AFG2A: variants seen among roughly 807,000 people sequenced by gnomAD.
AFG2A encodes AAA ATPase AFG2A, also known as ATPase family gene 2 protein homolog A.
the AFG2A span, among the ~76,000 whole-genome samples, chr4:122,932,692 C>T: frequency 2.0e-5 from 3 of 152,048 alleles, no homozygotes; most frequent in Non-Finnish European, 2.9e-5. Context: ...ACTTCCTGCA[C>T]TTAAGCAACT....
chr4:123,304,284 A>G, the AFG2A span, among the ~76,000 whole-genome samples: 4 of 152,118 alleles, frequency 2.6e-5, no homozygotes, highest in African/African-American at 9.7e-5. Flanking sequence ...TCAGGTCTCA[A>G]TGGGCCTGGG....
the AFG2A span, among the ~76,000 whole-genome samples, chr4:123,161,764 A>G: frequency 6.6e-6 from 1 of 152,216 alleles, no homozygotes. Context: ...ACTGTAGGCC[A>G]GGGGTGCAGG....
At chr4:123,159,582 A>G in the AFG2A span, among the ~76,000 whole-genome samples, 1 of 152,218 alleles carries the variant, frequency 6.6e-6, no homozygotes, top group Admixed American at 6.5e-5. Flanking sequence ...TAGGAAAGGT[A>G]AGGACCTTTC....
chr4:123,116,780 T>G, the AFG2A span, among the ~76,000 whole-genome samples: 1 of 152,198 alleles, frequency 6.6e-6, no homozygotes, highest in Non-Finnish European at 1.5e-5. Context: ...AAAATGTTCA[T>G]GGAGACAATA....
At chr4:123,274,656 C>G in the AFG2A span, among the ~76,000 whole-genome samples, 1 of 151,518 alleles carries the variant, frequency 6.6e-6, no homozygotes, top group Non-Finnish European at 1.5e-5. Context: ...GCTTTAGGCA[C>G]TGATTTAATC....
At chr4:123,289,472 CAT>C in the AFG2A span, among the ~76,000 whole-genome samples, 1 of 152,160 alleles carries the variant, frequency 6.6e-6, no homozygotes, top group African/African-American at 2.4e-5. Context: ...CTGTAGTAAA[CAT>C]ATACATGCAG....
the AFG2A span, among the ~76,000 whole-genome samples, chr4:122,924,011 A>T: frequency 0.044 from 6,777 of 152,314 alleles, 298 homozygotes; most frequent in South Asian, 0.15. Context: ...AATTGAATTA[A>T]AAATTGAAAA....
At chr4:123,307,736 A>G in the AFG2A span, among the ~76,000 whole-genome samples, 2 of 152,274 alleles carry the variant, frequency 1.3e-5, no homozygotes, top group Non-Finnish European at 2.9e-5. Flanking sequence ...TGGACCAGAT[A>G]CATAATGGTG....
chr4:123,057,123 G>C, the AFG2A span: 1 of 1,396,030 alleles, frequency 7.2e-7, no homozygotes. Context: ...AATAGGTTTG[G>C]TTCTAAATAT....
the AFG2A span, among the ~76,000 whole-genome samples, chr4:123,083,960 A>C: frequency 6.6e-6 from 1 of 152,098 alleles, no homozygotes; most frequent in East Asian, 1.9e-4. Flanking sequence ...CTGTTTTGAA[A>C]GGTTATTAAT....
chr4:123,028,242 T>G, the AFG2A span: 10 of 1,614,092 alleles, frequency 6.2e-6, no homozygotes, highest in South Asian at 1.1e-4. Flanking sequence ...TGGAACAGGC[T>G]GTGGAATGGC....
chr4:123,126,374 C>T, the AFG2A span, among the ~76,000 whole-genome samples: 1 of 152,116 alleles, frequency 6.6e-6, no homozygotes. Context: ...GCTTACTTGT[C>T]TTCTGTACCA....
chr4:122,994,329 A>AAAACT, the AFG2A span, among the ~76,000 whole-genome samples: 2 of 152,256 alleles, frequency 1.3e-5, no homozygotes, highest in East Asian at 3.9e-4. Context: ...ATCTACTATT[A>AAAACT]AAAATTCTTA....
the AFG2A span, among the ~76,000 whole-genome samples, chr4:123,129,238 T>C: frequency 6.6e-6 from 1 of 152,220 alleles, no homozygotes; most frequent in African/African-American, 2.4e-5. Flanking sequence ...AGATTACTTC[T>C]GTGCCATCCC....
the AFG2A span, among the ~76,000 whole-genome samples, chr4:122,937,482 A>G: frequency 6.6e-6 from 1 of 152,132 alleles, no homozygotes; most frequent in Non-Finnish European, 1.5e-5. Flanking sequence ...TAATATCATA[A>G]CTACTGCTCT....
At chr4:123,035,020 G>A in the AFG2A span, among the ~76,000 whole-genome samples, 1 of 152,176 alleles carries the variant, frequency 6.6e-6, no homozygotes, top group East Asian at 1.9e-4. Context: ...ATAGTGGAAA[G>A]TTACTGGGAA....
chr4:123,088,387 A>T, the AFG2A span, among the ~76,000 whole-genome samples: 7 of 152,200 alleles, frequency 4.6e-5, no homozygotes, highest in African/African-American at 9.7e-5. Flanking sequence ...CCTCCGATGT[A>T]ATTTATTGGC....
chr4:122,938,309 G>T, the AFG2A span: 1 of 1,369,812 alleles, frequency 7.3e-7, no homozygotes. Context: ...TATGTGTAGT[G>T]GTAAAAACTA....
the AFG2A span, among the ~76,000 whole-genome samples, chr4:122,998,863 T>A: frequency 1.3e-5 from 2 of 152,210 alleles, no homozygotes; most frequent in Admixed American, 1.3e-4. Flanking sequence ...TATTTCTAGT[T>A]CTAGATCCCT....
Sources: allele counts gnomAD v4.1 joint callset (sites outside exome capture counted in the v4.1 genomes callset), GRCh38; gene constraint gnomAD v4.1.1; transcripts MANE v1.5; gene names NCBI Gene and HGNC (gene_info 2026-07-23, HGNC 2026-07-21).